SDK2: variants seen among roughly 807,000 people sequenced by gnomAD.
The protein encoded by SDK2 is protein sidekick-2.
In SDK2, 105 loss-of-function variants were observed where a neutral mutation model predicts 253.9. The observed-to-expected ratio is 0.41, with a 90% CI of 0.35 to 0.49. The LOEUF is 0.49. Among genes scored for constraint, SDK2 ranks in the 20% least tolerant of loss-of-function variants. SDK2 has a pLI of 0.06. For missense variants in SDK2, 2,608 were observed against 3,003.0 expected (o/e 0.87, Z 3.07); for synonymous variants, 1,249 against 1,234.9 (o/e 1.01, Z -0.24).
intron 1 of SDK2, among the ~76,000 whole-genome samples, chr17:73,523,323 G>A (rs1320589234): frequency 6.6e-6 from 1 of 151,842 alleles, no homozygotes; most frequent in Non-Finnish European, 1.5e-5. Flanking sequence ...TGGTGCTGTG[G>A]AATGCTCTTC....
At chr17:73,464,105 G>A (rs1474865778) in intron 3 of SDK2, among the ~76,000 whole-genome samples, 1 of 152,272 alleles carries the variant, frequency 6.6e-6, no homozygotes, top group East Asian at 1.9e-4. Flanking sequence ...GCTCACTTCA[G>A]ATCACTTCAT....
At chr17:73,531,235 C>A (rs776946447) in intron 1 of SDK2, among the ~76,000 whole-genome samples, 1 of 152,216 alleles carries the variant, frequency 6.6e-6, no homozygotes, top group South Asian at 2.1e-4. Context: ...ATTTTGATGA[C>A]CTCCAACATG....
intron 1 of SDK2, among the ~76,000 whole-genome samples, chr17:73,598,519 G>C (rs77182838): frequency 6.6e-6 from 1 of 152,176 alleles, no homozygotes; most frequent in Admixed American, 6.5e-5. Context: ...CCCGGCTCTC[G>C]TTCCCTGGGG....
rs1164842391 is a variant in SDK2, at chr17:73,639,683, C to G, written c.64+4342G>C. On this transcript the variant is annotated intron_variant, in intron 1 of 44. Transcript: ENST00000392650. This position sits in a 1 kb window ranked among gnomAD's most constrained non-coding sequence, Gnocchi z 4.3. ...ACACCCGACATCAATTCCAACTCAGCCTCCTGCCTCCCAGAGGGGCTGGGA... is the reference window on the plus strand; with the variant it reads ...ACACCCGACATCAATTCCAACTCAGGCTCCTGCCTCCCAGAGGGGCTGGGA... Among the ~76,000 whole-genome samples the G allele has an allele frequency of 6.6e-6, 1 of 152,182 alleles. No individual in the cohort carries two copies. The highest frequency in any genetic ancestry group is 1.9e-4 in the East Asian group (1 of 5,174).
intron 1 of SDK2, among the ~76,000 whole-genome samples, chr17:73,636,574 G>A (rs575271035): frequency 1.1e-3 from 161 of 151,270 alleles, no homozygotes; most frequent in African/African-American, 3.5e-3. Flanking sequence ...CTAGCTACTC[G>A]GGAGGCTGGG....
chr17:73,550,078 C>T (rs1024152074), intron 1 of SDK2, among the ~76,000 whole-genome samples: 12 of 152,166 alleles, frequency 7.9e-5, no homozygotes, highest in Non-Finnish European at 1.8e-4. Context: ...CCTCTGGTTG[C>T]ACCAGCCAGG....
intron 18 of SDK2, among the ~76,000 whole-genome samples, chr17:73,405,812 C>T (rs771291106): frequency 1.3e-5 from 2 of 151,150 alleles, no homozygotes; most frequent in African/African-American, 4.9e-5. Context: ...CTCCGCCTCT[C>T]GGGTTCACGC....
In SDK2 at chr17:73,398,169, C is replaced by A; in HGVS notation, c.3220G>T (p.Val1074Leu). 6.2e-7 allele frequency: 1 copy of A among 1,612,764 alleles called. No homozygotes were observed. Among genetic ancestry groups the A allele is most frequent in the East Asian group, 2.2e-5 (1 of 44,876 alleles). ...FTCYSFRMRQ[V>L]NIVGTSPPSQ... ...GGGGGGCTGGTGCCCACGATGTTCA[C>A]CTGGCGCATGCGGAAGCTGGGGTTG... Residue 1074 changes from valine to leucine, a missense_variant, in exon 24 of 45, where the codon GTG becomes TTG. Val to Leu is a conservative substitution (Grantham distance 32, BLOSUM62 1). Transcript: ENST00000392650.
chr17:73,619,433 A>C (rs1046611967), intron 1 of SDK2, among the ~76,000 whole-genome samples: 5 of 152,224 alleles, frequency 3.3e-5, no homozygotes, highest in East Asian at 1.9e-4. Context: ...CAGAGAGTCT[A>C]TATGCATCTA....
chr17:73,340,261 T>C (rs2062423482), intron 44 of SDK2, among the ~76,000 whole-genome samples: 2 of 152,206 alleles, frequency 1.3e-5, no homozygotes, highest in Admixed American at 6.5e-5. Context: ...CGTCGCAGTG[T>C]TGTGCAACCA....
rs201326991 is a variant in SDK2 at position 73,338,708 on chromosome 17, C to A, written c.6398G>T (p.Arg2133Leu). The A allele has an allele frequency of 6.2e-7, 1 of 1,610,094 alleles. No individual in the cohort carries two copies. Among genetic ancestry groups the A allele is most frequent in the Non-Finnish European group, 8.5e-7 (1 of 1,177,846 alleles). Residue 2133 changes from arginine (R) to leucine (L), a missense_variant, in exon 45 of 45, where the codon CGG (arginine) becomes CTG (leucine). Arg to Leu is a moderately radical substitution (Grantham distance 102). This residue lies in a region of SDK2 where 1,103 missense variants were observed against 1,143.9 expected (regional missense o/e 0.96). Coordinates refer to ENST00000392650, the MANE Select transcript of SDK2 (RefSeq NM_001144952.2). This position sits in a 1 kb window ranked among gnomAD's most constrained non-coding sequence, Gnocchi z 5.0. ...AGGGGGGTTCTGGGGCGTTGGAGTC[C>A]GACTGGCCTTGGGCCGAAAGAGGCT... ...QGSLFRPKAS[R>L]TPTPQNPPNP...
intron 1 of SDK2, among the ~76,000 whole-genome samples, chr17:73,588,214 G>T (rs970606352): frequency 9.3e-6 from 1 of 107,086 alleles, no homozygotes; most frequent in South Asian, 2.8e-4. Flanking sequence ...CCCCTCCCCC[G>T]CCATCTCTAC....
chr17:73,347,867 C>A (rs917646046), intron 44 of SDK2, among the ~76,000 whole-genome samples: 2 of 152,192 alleles, frequency 1.3e-5, no homozygotes, highest in African/African-American at 4.8e-5. Flanking sequence ...GCACCGACCC[C>A]CTCTTCATAT....
At chr17:73,490,318 C>T (rs1202285272) in intron 2 of SDK2, among the ~76,000 whole-genome samples, 2 of 152,114 alleles carry the variant, frequency 1.3e-5, no homozygotes, top group South Asian at 2.1e-4. Context: ...AGCACAAAGG[C>T]GTCCCAAGTC....
At chr17:73,583,295 T>C (rs2045560454) in intron 1 of SDK2, among the ~76,000 whole-genome samples, 1 of 152,174 alleles carries the variant, frequency 6.6e-6, no homozygotes, top group Non-Finnish European at 1.5e-5. Context: ...TTAATAAATA[T>C]CCATGGATGA....
intron 1 of SDK2, among the ~76,000 whole-genome samples, chr17:73,594,681 C>T (rs2045729452): frequency 6.6e-6 from 1 of 152,038 alleles, no homozygotes; most frequent in Non-Finnish European, 1.5e-5. Context: ...ACATGTAATA[C>T]ATAGCACACA....
Position 73,377,253 on chromosome 17 carries a change from C to G in SDK2, c.4980+1924G>C, listed in dbSNP as rs1048640399. Among the ~76,000 whole-genome samples the G allele has an allele frequency of 2.8e-5, 4 of 144,040 alleles. No homozygotes were observed. In the East Asian group the frequency reaches 8.0e-4, roughly 29 times the overall value. 94.5% of individuals were successfully genotyped at this position (144,040 alleles called of 152,430 possible). A position where few individuals can be genotyped will look rare whatever the true frequency, so the allele number is the denominator to read the frequency against. On this transcript the variant is annotated intron_variant, in intron 36 of 44. Transcript: ENST00000392650. Reference sequence around the variant, plus strand: ...TTTTTTTTGGAGACAGAGTCTTGCTCTGTTGTCCAGGCTGGAGTGCAGTGA... The same window carrying G: ...TTTTTTTTGGAGACAGAGTCTTGCTGTGTTGTCCAGGCTGGAGTGCAGTGA...
At chr17:73,560,091 C>T (rs531480342) in intron 1 of SDK2, among the ~76,000 whole-genome samples, 42 of 152,152 alleles carry the variant, frequency 2.8e-4, no homozygotes, top group Non-Finnish European at 5.3e-4. Context: ...ATGGAGGACC[C>T]GCACACAGAG....
At chr17:73,366,786 T>C (rs1219749559) in intron 37 of SDK2, among the ~76,000 whole-genome samples, 4 of 152,054 alleles carry the variant, frequency 2.6e-5, no homozygotes, top group African/African-American at 4.8e-5. Flanking sequence ...AGTGCCTGAC[T>C]ACCAGGCTCG....
Sources: allele counts gnomAD v4.1 joint callset (sites outside exome capture counted in the v4.1 genomes callset), GRCh38; gene constraint gnomAD v4.1.1; regional missense constraint gnomAD v4.1.1; non-coding constraint Gnocchi (gnomAD v3.1); transcripts MANE v1.5; gene names NCBI Gene and HGNC (gene_info 2026-07-23, HGNC 2026-07-21).